The following SORT1 variants were observed in gnomAD, a reference collection of about 807,000 sequenced individuals.
SORT1 encodes the protein sortilin.
Under a neutral mutation model 101.7 loss-of-function variants are expected in SORT1, and 39 were observed. The observed-to-expected ratio is 0.38, with a 90% CI of 0.30 to 0.50. The LOEUF (loss-of-function observed/expected upper bound fraction) is 0.50, where lower values mean the gene tolerates loss of function less well. Among genes scored for constraint, SORT1 ranks in the 20% least tolerant of loss-of-function variants. SORT1 has a pLI of 0.90. For missense variants in SORT1, 878 were observed against 1,040.4 expected (o/e 0.84, Z 2.15); for synonymous variants, 396 against 393.7 (o/e 1.01, Z -0.07).
chr1:109,327,289 A>C, intron 12 of SORT1, 129 bp from the exon 13 acceptor site: 1 of 899,440 alleles, frequency 1.1e-6, no homozygotes, highest in Non-Finnish European at 1.7e-6. Flanking sequence ...GTAGGAAAGA[A>C]AACCACCAAA....
In SORT1 at chr1:109,314,343, T is replaced by A; in HGVS notation, c.2399A>T (p.Glu800Val). 1 of 1,614,012 alleles carries A rather than the reference T, an allele frequency of 6.2e-7. No individual in the cohort carries two copies. The highest frequency in any genetic ancestry group is 8.5e-7 in the Non-Finnish European group (1 of 1,179,954). ...HRYSVLQQHA[E>V]ANGVDGVDAL... ...ATCCACACCATCCACACCATTGGCC[T>A]CTGCATGCTGCTGCAGCACAGAGTA... The change falls in exon 19 of 20, where the codon GAG (glutamate) becomes GTG (valine). Residue 800 changes from glutamate (E) to valine (V), a missense_variant. By Grantham distance (121) the Glu-to-Val change is moderately radical. This residue lies in a region of SORT1 where 684 missense variants were observed against 894.5 expected (regional missense o/e 0.76). Coordinates refer to ENST00000256637, the MANE Select transcript of SORT1 (RefSeq NM_002959.7).
intron 10 of SORT1, among the ~76,000 whole-genome samples, chr1:109,339,660 T>C (rs1471078374): frequency 6.6e-6 from 1 of 152,248 alleles, no homozygotes; most frequent in African/African-American, 2.4e-5. Flanking sequence ...TACAACCATG[T>C]GGAAAACCCA....
In SORT1 at chr1:109,310,668, G is replaced by A. The variant is rs545205906; in HGVS notation, c.*3375C>T. The A allele has an allele frequency of 6.5e-6, 1 of 152,924 alleles. No individual in the cohort carries two copies. The highest frequency in any genetic ancestry group is 2.4e-5 in the African/African-American group (1 of 41,578). The allele number at this position is 152,924 out of a possible 1,614,324, so 9.5% of individuals were successfully genotyped here. On this transcript the variant is annotated 3_prime_UTR_variant, in exon 20 of 20. Coordinates refer to ENST00000256637, the MANE Select transcript of SORT1 (RefSeq NM_002959.7). ...TGACAATGAGCAGGATGCACTCTAG[G>A]TCATTGTGGACAGGCACGGAGCTCT...
In SORT1 at chr1:109,367,246, C is replaced by T. The variant is rs144992249; in HGVS notation, c.440+162G>A. ...CTGTCTCAAAAAACAACAACAACAA[C>T]AACAACAAAAACATGTGCTGAGTGT... On this transcript the variant is annotated intron_variant, in intron 3 of 19. Transcript: ENST00000256637. 3,327 of 537,242 alleles carry T rather than the reference C, an allele frequency of 6.2e-3. 27 individuals carry two copies. The highest frequency in any genetic ancestry group is 9.3e-3 in the Non-Finnish European group (2,784 of 299,548). The allele number at this position is 537,242 out of a possible 1,614,324, so 33.3% of individuals were successfully genotyped here. A position where few individuals can be genotyped will look rare whatever the true frequency, so the allele number is the denominator to read the frequency against.
At chr1:109,364,496 G>GA (rs932385830) in intron 3 of SORT1, among the ~76,000 whole-genome samples, 1 of 151,896 alleles carries the variant, frequency 6.6e-6, no homozygotes, top group Non-Finnish European at 1.5e-5. Flanking sequence ...TAGTTACAGC[G>GA]AAAAAAACAG....
At position 109,336,223 on chromosome 1, in the gene SORT1, C is replaced by T. The variant is rs1427115252; in HGVS notation, c.1371+17G>A. 3 of 1,505,474 alleles carry T rather than the reference C, an allele frequency of 2.0e-6. No individual in the cohort carries two copies. The highest frequency in any genetic ancestry group is 2.8e-6 in the Non-Finnish European group (3 of 1,080,484). 93.3% of individuals were successfully genotyped at this position (1,505,474 alleles called of 1,614,324 possible). A position where few individuals can be genotyped will look rare whatever the true frequency, so the allele number is the denominator to read the frequency against. On this transcript the variant is annotated intron_variant, in intron 11 of 19. Coordinates refer to ENST00000256637, the MANE Select transcript of SORT1 (RefSeq NM_002959.7). ...TGGAAAGGCTGCTGTGCTCTGCACA[C>T]ATTAGAGTAAACAAACCTCATTCTT...
chr1:109,311,699 C>A lies in SORT1; in HGVS notation c.*2344G>T, dbSNP rs538328945. The A allele has an allele frequency of 1.3e-5, 2 of 152,192 alleles. No individual in the cohort carries two copies. The highest frequency in any genetic ancestry group is 1.9e-4 in the East Asian group (1 of 5,202). 9.4% of individuals were successfully genotyped at this position (152,192 alleles called of 1,614,324 possible). On this transcript the variant is annotated 3_prime_UTR_variant, in exon 20 of 20. Coordinates refer to ENST00000256637, the MANE Select transcript of SORT1 (RefSeq NM_002959.7). ...TACTTTTGTTTTCAGCCATGAAAGACAGGAAAATACAATTTTCTGTTCACC... is the reference window on the plus strand; with the variant it reads ...TACTTTTGTTTTCAGCCATGAAAGAAAGGAAAATACAATTTTCTGTTCACC...
chr1:109,346,136 C>T (rs555103257), intron 7 of SORT1, among the ~76,000 whole-genome samples: 74 of 151,434 alleles, frequency 4.9e-4, no homozygotes, highest in Admixed American at 1.3e-3. Flanking sequence ...ACCATGAAAC[C>T]CCATCTGTAC....
chr1:109,338,789 T>C (rs1041517862), intron 10 of SORT1, among the ~76,000 whole-genome samples: 1 of 152,112 alleles, frequency 6.6e-6, no homozygotes, highest in Non-Finnish European at 1.5e-5. Flanking sequence ...GTTTGGTCTG[T>C]CCCTGCTGGA....
chr1:109,322,128 G>A (rs1387849588), intron 15 of SORT1, among the ~76,000 whole-genome samples: 2 of 151,376 alleles, frequency 1.3e-5, no homozygotes, highest in South Asian at 2.1e-4. Context: ...GTTTGAGACA[G>A]GGTCTCATCA....
At position 109,313,922 on chromosome 1, in the gene SORT1, G is replaced by A. The variant is rs1658870096; in HGVS notation, c.*121C>T. 1 of 801,372 alleles carries A rather than the reference G, an allele frequency of 1.2e-6. No homozygotes were observed. The highest frequency in any genetic ancestry group is 2.0e-6 in the Non-Finnish European group (1 of 500,978). The allele number at this position is 801,372 out of a possible 1,614,324, so 49.6% of individuals were successfully genotyped here. On this transcript the variant is annotated 3_prime_UTR_variant, in exon 20 of 20. Coordinates refer to ENST00000256637, the MANE Select transcript of SORT1 (RefSeq NM_002959.7). ...GTAGGTCCTTTTGGCTTTGATGGAA[G>A]CAGCAGAAACAGAGCTGGGTCCCTC...
chr1:109,333,991 A>G (rs1310210913), intron 11 of SORT1, among the ~76,000 whole-genome samples: 1 of 152,118 alleles, frequency 6.6e-6, no homozygotes, highest in Non-Finnish European at 1.5e-5. Flanking sequence ...CTAAAGACAC[A>G]AAAAATTAGC....
intron 3 of SORT1, 38 bp from the exon 4 acceptor site, chr1:109,355,507 T>G: frequency 1.1e-6 from 1 of 907,502 alleles, no homozygotes; most frequent in Non-Finnish European, 1.9e-6. Context: ...TAGGGTGCAG[T>G]GGTCATGGAT....
rs1201527062 is a variant in SORT1, at chr1:109,312,761, ATAATT to A, written c.*1277_*1281del. 3 of 152,334 alleles carry A rather than the reference ATAATT, an allele frequency of 2.0e-5. No homozygotes were observed. Among genetic ancestry groups the A allele is most frequent in the Non-Finnish European group, 4.4e-5 (3 of 68,044 alleles). The allele number at this position is 152,334 out of a possible 1,614,324, so 9.4% of individuals were successfully genotyped here. A position where few individuals can be genotyped will look rare whatever the true frequency, so the allele number is the denominator to read the frequency against. On this transcript the variant is annotated 3_prime_UTR_variant, in exon 20 of 20. Transcript: ENST00000256637. Reference sequence around the variant, plus strand: ...CCCAAAATCCACCCAACTACATTCTATAATTTATTTAATTTAGAGAGGTATCAAAT... The same window carrying A: ...CCCAAAATCCACCCAACTACATTCTATATTTAATTTAGAGAGGTATCAAAT...
In SORT1 at chr1:109,310,156, TA is replaced by T. The variant is rs1169795524; in HGVS notation, c.*3886del. The T allele has an allele frequency of 6.6e-6, 1 of 152,666 alleles. No individual in the cohort carries two copies. The highest frequency in any genetic ancestry group is 2.4e-5 in the African/African-American group (1 of 41,454). 9.5% of individuals were successfully genotyped at this position (152,666 alleles called of 1,614,324 possible). A position where few individuals can be genotyped will look rare whatever the true frequency, so the allele number is the denominator to read the frequency against. On this transcript the variant is annotated 3_prime_UTR_variant, in exon 20 of 20. Coordinates refer to ENST00000256637, the MANE Select transcript of SORT1 (RefSeq NM_002959.7). The stretch of plus-strand genomic sequence containing the variant: ...ATTACCATGTACACTATACAGTTTA[TA>T]TATGTATATATGTACACACACATAT...
In SORT1 at chr1:109,392,508, T is replaced by C. The variant is rs1420666825; in HGVS notation, c.306+5079A>G. Reference sequence around the variant, plus strand: ...GAACATAAGCCTTCTTCCAATTATTTCCACAAGCAGACATGAGACTCAGAT... The same window carrying C: ...GAACATAAGCCTTCTTCCAATTATTCCCACAAGCAGACATGAGACTCAGAT... On this transcript the variant is annotated intron_variant, in intron 1 of 19. Transcript: ENST00000256637. The C allele has an allele frequency of 1.3e-5, 8 of 603,696 alleles. 1 individual carries two copies. The Admixed American group carries it at 2.5e-4, about 19-fold the overall frequency. The allele number at this position is 603,696 out of a possible 1,614,324, so 37.4% of individuals were successfully genotyped here. A position where few individuals can be genotyped will look rare whatever the true frequency, so the allele number is the denominator to read the frequency against.
chr1:109,392,615 T>C, intron 1 of SORT1: 2 of 985,242 alleles, frequency 2.0e-6, no homozygotes, highest in Non-Finnish European at 2.4e-6. Context: ...TGCATTCCCT[T>C]GGAGCCATCT....
chr1:109,365,285 G>T (rs1378591798), intron 3 of SORT1, among the ~76,000 whole-genome samples: 1 of 152,170 alleles, frequency 6.6e-6, no homozygotes, highest in African/African-American at 2.4e-5. Flanking sequence ...GTGCAGTGAT[G>T]TGATCATAGC....
intron 1 of SORT1, 43 bp downstream of exon 1, chr1:109,397,544 G>A (rs1653267431): frequency 3.6e-6 from 4 of 1,112,006 alleles, no homozygotes; most frequent in Non-Finnish European, 4.4e-6. Flanking sequence ...CACGCGGGCG[G>A]CACCTCGCAC....
Sources: allele counts gnomAD v4.1 joint callset (sites outside exome capture counted in the v4.1 genomes callset), GRCh38; gene constraint gnomAD v4.1.1; regional missense constraint gnomAD v4.1.1; transcripts MANE v1.5; gene names NCBI Gene and HGNC (gene_info 2026-07-23, HGNC 2026-07-21).